Variants in DNAH7 observed in about 807,000 individuals in gnomAD.
The protein encoded by DNAH7 is axonemal beta dynein heavy chain 7.
A neutral mutation model predicts 444.6 loss-of-function variants in DNAH7; 397 were observed. The observed-to-expected ratio is 0.89, with a 90% CI of 0.82 to 0.97. The LOEUF (loss-of-function observed/expected upper bound fraction) is 0.97, where lower values mean the gene tolerates loss of function less well. DNAH7 is among the 50% of genes least tolerant of loss of function. The probability of loss-of-function intolerance (pLI) is 0.00; values close to 1 mark genes in which losing one functional copy is unlikely to be tolerated. For missense variants in DNAH7, 4,902 were observed against 4,800.8 expected (o/e 1.02, Z -0.62); for synonymous variants, 1,636 against 1,624.4 (o/e 1.01, Z -0.17).
intron 1 of DNAH7, among the ~76,000 whole-genome samples, chr2:196,065,135 C>T (rs1157949452): frequency 6.6e-6 from 1 of 152,064 alleles, no homozygotes; most frequent in African/African-American, 2.4e-5. Context: ...TTATCGTAAA[C>T]AATCTTGACC....
chr2:196,057,526 T>G (rs1190798511), intron 2 of DNAH7, among the ~76,000 whole-genome samples: 1 of 152,214 alleles, frequency 6.6e-6, no homozygotes, highest in Non-Finnish European at 1.5e-5. Flanking sequence ...TTTGGTAATC[T>G]TGGTATTATT....
intron 61 of DNAH7, among the ~76,000 whole-genome samples, chr2:195,769,471 C>G (rs1219505314): frequency 3.9e-5 from 6 of 151,978 alleles, no homozygotes; most frequent in Admixed American, 3.9e-4. Flanking sequence ...AAATCCTGCC[C>G]TTAGGTCAAA....
chr2:195,750,684 C>G (rs958755189), intron 63 of DNAH7, among the ~76,000 whole-genome samples: 1 of 152,136 alleles, frequency 6.6e-6, no homozygotes. Context: ...ACTTAACCCC[C>G]CTGAGCCTTA....
intron 15 of DNAH7, among the ~76,000 whole-genome samples, chr2:195,981,208 T>C (rs1692549653): frequency 6.6e-6 from 1 of 151,816 alleles, no homozygotes. Flanking sequence ...GGTGGGACAA[T>C]CTGAAAAAGA....
chr2:196,005,190 C>T (rs955059193), intron 10 of DNAH7, among the ~76,000 whole-genome samples: 2 of 151,814 alleles, frequency 1.3e-5, no homozygotes, highest in African/African-American at 4.8e-5. Context: ...GGGAAAATGG[C>T]ATGAACCCGG....
At position 195,816,711 on chromosome 2, in the gene DNAH7, C is replaced by T. The variant is rs188241927; in HGVS notation, c.9678G>A (p.Met3226Ile). The T allele has an allele frequency of 1.8e-5, 29 of 1,614,106 alleles. No individual in the cohort carries two copies. Among genetic ancestry groups the T allele is most frequent in the Middle Eastern group, 1.6e-4 (1 of 6,062 alleles). The change falls in exon 51 of 65, where the codon ATG becomes ATA. Residue 3226 changes from methionine to isoleucine, a missense_variant. Met to Ile is a conservative substitution (Grantham distance 10). Transcript: ENST00000312428. ...SLADLANIEP[M>I]YQYSLTWFIN... Reference sequence around the variant, plus strand: ...TAAACCAGGTCAGTGAATACTGGTACATGGGCTCAATGTTGGCTAAATCAG... The same window carrying T: ...TAAACCAGGTCAGTGAATACTGGTATATGGGCTCAATGTTGGCTAAATCAG...
chr2:196,051,389 A>G (rs1340808363), intron 2 of DNAH7, 140 bp from the exon 3 acceptor site: 2 of 692,216 alleles, frequency 2.9e-6, no homozygotes, highest in Non-Finnish European at 2.5e-6. Context: ...ACTGCTTTTT[A>G]AATTCTCAGG....
intron 28 of DNAH7, 70 bp from the exon 29 acceptor site, chr2:195,897,835 C>T (rs1015374998): frequency 2.4e-6 from 2 of 823,270 alleles, no homozygotes; most frequent in Non-Finnish European, 3.9e-6. Flanking sequence ...TTCGTGTTCG[C>T]ATACACACAA....
chr2:195,779,952 T>C (rs1258266921), intron 58 of DNAH7, among the ~76,000 whole-genome samples: 1 of 152,218 alleles, frequency 6.6e-6, no homozygotes, highest in East Asian at 1.9e-4. Flanking sequence ...TTTTATAAAC[T>C]GACTTTTATT....
intron 43 of DNAH7, 26 bp from the exon 44 acceptor site, chr2:195,857,749 T>C: frequency 1.3e-6 from 2 of 1,531,234 alleles, no homozygotes; most frequent in Non-Finnish European, 1.8e-6. Context: ...TTAATTATTT[T>C]AAAAGACATG....
intron 54 of DNAH7, among the ~76,000 whole-genome samples, chr2:195,806,128 T>C (rs966877626): frequency 3.3e-5 from 5 of 152,126 alleles, no homozygotes; most frequent in Non-Finnish European, 7.4e-5. Flanking sequence ...TTAGAGCACA[T>C]TGATATCTTT....
At chr2:195,966,848 T>C in intron 17 of DNAH7, among the ~76,000 whole-genome samples, 1 of 152,194 alleles carries the variant, frequency 6.6e-6, no homozygotes, top group East Asian at 1.9e-4. Flanking sequence ...ATAGGTAAAG[T>C]GTGTTTCTTG....
intron 56 of DNAH7, 82 bp from the exon 57 acceptor site, chr2:195,794,620 G>C (rs1046878746): frequency 3.2e-6 from 4 of 1,261,222 alleles, no homozygotes; most frequent in Middle Eastern, 1.9e-4. Context: ...GGATGAGTTG[G>C]AAGGGGGAGG....
In DNAH7 at chr2:195,796,603, C is replaced by T; in HGVS notation, c.10488G>A (p.Trp3496Ter). The T allele has an allele frequency of 1.2e-6, 2 of 1,614,116 alleles. No homozygotes were observed. Among genetic ancestry groups the T allele is most frequent in the Non-Finnish European group, 1.7e-6 (2 of 1,179,994 alleles). Residue 3496 changes from tryptophan (W) to a stop codon, truncating the protein, a stop_gained, in exon 56 of 65, where the codon TGG becomes TGA. Transcript: ENST00000312428. LOFTEE classifies it high-confidence loss of function. ...CACAGACTTTCTCAAGGGTTGGCAT[C>T]CAAGAGGTGGCAAGGTGACAATTCT... The part of the protein sequence containing the change: ...VLQNCHLATS[W>*]MPTLEKVCEE...
intron 48 of DNAH7, among the ~76,000 whole-genome samples, chr2:195,829,679 C>A (rs936052784): frequency 3.9e-5 from 6 of 151,942 alleles, no homozygotes; most frequent in Non-Finnish European, 7.4e-5. Context: ...CCCCTACTCA[C>A]CCTAACATTT....
Position 195,797,275 on chromosome 2 carries a change from C to T in DNAH7, c.10354-538G>A, listed in dbSNP as rs17627135. Among the ~76,000 whole-genome samples, 2,899 of 152,246 alleles carry T rather than the reference C, an allele frequency of 0.019. 224 individuals are homozygous for T. The East Asian group carries it at 0.26, about 13-fold the overall frequency. On this transcript the variant is annotated intron_variant, in intron 55 of 64. Transcript: ENST00000312428. ...TATTCAGTTTTACTGTATTCTAATT[C>T]GTCCCTGGCTTCTGGGTCTCCTTTC...
At position 195,864,505 on chromosome 2, in the gene DNAH7, A is replaced by C; in HGVS notation, c.7150T>G (p.Leu2384Val). The C allele has an allele frequency of 6.2e-7, 1 of 1,614,202 alleles. No individual in the cohort carries two copies. Among genetic ancestry groups the C allele is most frequent in the East Asian group, 2.2e-5 (1 of 44,888 alleles). ...ATCTCACCTTCCGCACATTTCCTTA[A>C]GATCACTTTTAAATCTTCATGCCAT... ...TEWHEDLKVI[L>V]RKCAEGEMQG... Residue 2384 changes from leucine to valine, a missense_variant, in exon 41 of 65, where the codon TTA (leucine) becomes GTA (valine). Coordinates refer to ENST00000312428, the MANE Select transcript of DNAH7 (RefSeq NM_018897.3).
chr2:195,997,764 T>C (rs1265774191), intron 12 of DNAH7, among the ~76,000 whole-genome samples: 1 of 152,194 alleles, frequency 6.6e-6, no homozygotes, highest in African/African-American at 2.4e-5. Flanking sequence ...TCTGCAATTG[T>C]TGTCAAAGAT....
chr2:195,802,267 T>C (rs2106008313), intron 54 of DNAH7, among the ~76,000 whole-genome samples: 1 of 152,302 alleles, frequency 6.6e-6, no homozygotes, highest in African/African-American at 2.4e-5. Context: ...TCCCAGCACT[T>C]TGGGAGGCTG....
Sources: allele counts gnomAD v4.1 joint callset (sites outside exome capture counted in the v4.1 genomes callset), GRCh38; gene constraint gnomAD v4.1.1; transcripts MANE v1.5; gene names NCBI Gene and HGNC (gene_info 2026-07-23, HGNC 2026-07-21).